The following ENAH variants were observed in gnomAD, a reference collection of about 807,000 sequenced individuals.
ENAH encodes the protein ENAH actin regulator.
Under a neutral mutation model 78.7 loss-of-function variants are expected in ENAH, and 23 were observed. The observed-to-expected ratio is 0.29, with a 90% CI of 0.21 to 0.41. The LOEUF is 0.41. Ranked by LOEUF, ENAH falls within the 10% of genes least tolerant of loss-of-function variation. The pLI, the probability that ENAH is intolerant of heterozygous loss-of-function variation, is 1.00. For synonymous variants in ENAH, 226 were observed against 241.0 expected, an observed-to-expected ratio of 0.94 and a Z score of 0.58; for missense variants, 544 against 691.0, an observed-to-expected ratio of 0.79 and a Z score of 2.39.
At chr1:225,498,982 G>A (rs533641865) in intron 12 of ENAH, among the ~76,000 whole-genome samples, 6 of 152,134 alleles carry the variant, frequency 3.9e-5, no homozygotes, top group African/African-American at 7.2e-5. Flanking sequence ...CGGCAGGCAC[G>A]AATCATATGC....
At chr1:225,600,467 T>C (rs1013677339) in intron 1 of ENAH, among the ~76,000 whole-genome samples, 3 of 152,212 alleles carry the variant, frequency 2.0e-5, no homozygotes, top group Non-Finnish European at 4.4e-5. Context: ...GCAGAAGTAA[T>C]TGTGGTTTTG....
At chr1:225,548,592 C>T (rs979213880) in intron 3 of ENAH, among the ~76,000 whole-genome samples, 2 of 152,180 alleles carry the variant, frequency 1.3e-5, no homozygotes, top group African/African-American at 4.8e-5. Flanking sequence ...CCTGAAGGCT[C>T]GAAAACCCAA....
chr1:225,589,450 T>A (rs1455380235), intron 1 of ENAH, among the ~76,000 whole-genome samples: 2 of 152,164 alleles, frequency 1.3e-5, no homozygotes, highest in Non-Finnish European at 2.9e-5. Context: ...GCCCTCAGTA[T>A]CCTCGGAGGA....
chr1:225,649,156 T>A (rs149911083), intron 1 of ENAH, among the ~76,000 whole-genome samples: 1 of 152,304 alleles, frequency 6.6e-6, no homozygotes, highest in East Asian at 1.9e-4. Flanking sequence ...TATTTTTACA[T>A]ATTTTTTAAA....
chr1:225,608,454 A>C (rs2096969033), intron 1 of ENAH, among the ~76,000 whole-genome samples: 1 of 151,882 alleles, frequency 6.6e-6, no homozygotes, highest in Non-Finnish European at 1.5e-5. Flanking sequence ...ATCATTATAA[A>C]ATTTCAGAAC....
chr1:225,583,398 C>T (rs2096829011), intron 1 of ENAH, among the ~76,000 whole-genome samples: 1 of 139,028 alleles, frequency 7.2e-6, no homozygotes, highest in Non-Finnish European at 1.5e-5. Context: ...CGCGCCATTG[C>T]ACTCCAGACT....
At chr1:225,567,074 G>A (rs140567397) in intron 2 of ENAH, among the ~76,000 whole-genome samples, 175 bp downstream of exon 2, 54 of 152,254 alleles carry the variant, frequency 3.5e-4, no homozygotes, top group Non-Finnish European at 5.4e-4. Context: ...CTAAATCTTC[G>A]TTTAAGTTCA....
At chr1:225,638,261 A>T (rs1198837878) in intron 1 of ENAH, among the ~76,000 whole-genome samples, 1 of 152,080 alleles carries the variant, frequency 6.6e-6, no homozygotes, top group Non-Finnish European at 1.5e-5. Flanking sequence ...GGCTCAAGTG[A>T]TCCTCCTACC....
chr1:225,555,357 C>T (rs899715814), intron 2 of ENAH, among the ~76,000 whole-genome samples: 3 of 152,102 alleles, frequency 2.0e-5, no homozygotes, highest in African/African-American at 7.2e-5. Flanking sequence ...TCGAGGCAGG[C>T]AGATCATGAG....
rs572776506 is a variant in ENAH at position 225,517,547 on chromosome 1, C to G, written c.803-241G>C. 3 of 1,551,376 alleles carry G rather than the reference C, an allele frequency of 1.9e-6. No individual in the cohort carries two copies. The African/African-American group carries it at 4.1e-5, about 21-fold the overall frequency. ...GGCATTTGGGGCACAGGAGAAGAAA[C>G]ACAAACAGGGAGGACAGGCCTTGGA... On this transcript the variant is annotated intron_variant, in intron 5 of 13. Coordinates refer to ENST00000366843, the MANE Select transcript of ENAH (RefSeq NM_018212.6).
At chr1:225,547,565 C>T (rs2096621050) in intron 3 of ENAH, among the ~76,000 whole-genome samples, 1 of 152,164 alleles carries the variant, frequency 6.6e-6, no homozygotes, top group Non-Finnish European at 1.5e-5. Context: ...TCCAGTAGCT[C>T]CCTTTTCAAA....
intron 12 of ENAH, among the ~76,000 whole-genome samples, chr1:225,498,856 T>C (rs1346110869): frequency 1.3e-5 from 2 of 152,172 alleles, no homozygotes; most frequent in South Asian, 2.1e-4. Context: ...GGAATCACCA[T>C]AGCTGCCAAA....
chr1:225,611,131 T>G (rs1384006966), intron 1 of ENAH, among the ~76,000 whole-genome samples: 1 of 152,106 alleles, frequency 6.6e-6, no homozygotes. Flanking sequence ...GTGTACTGAG[T>G]TGGTGCTATG....
chr1:225,644,593 C>T (rs1387716175), intron 1 of ENAH, among the ~76,000 whole-genome samples: 1 of 152,136 alleles, frequency 6.6e-6, no homozygotes, highest in Non-Finnish European at 1.5e-5. Context: ...GAGATTTGAC[C>T]TCAAGAGCTA....
intron 4 of ENAH, among the ~76,000 whole-genome samples, chr1:225,521,209 A>G (rs554805114): frequency 1.3e-5 from 2 of 152,338 alleles, no homozygotes; most frequent in East Asian, 3.9e-4. Flanking sequence ...GCAATACTGC[A>G]ATAACATTTG....
At chr1:225,631,136 G>C (rs1234989616) in intron 1 of ENAH, among the ~76,000 whole-genome samples, 4 of 152,164 alleles carry the variant, frequency 2.6e-5, no homozygotes, top group Non-Finnish European at 5.9e-5. Flanking sequence ...AAGGGACAGA[G>C]AATACCAATT....
chr1:225,568,780 T>C (rs1443683926), intron 1 of ENAH, among the ~76,000 whole-genome samples: 1 of 152,248 alleles, frequency 6.6e-6, no homozygotes, highest in Non-Finnish European at 1.5e-5. Flanking sequence ...TTTATTCTTG[T>C]CCTTGATGAC....
At chr1:225,557,131 A>G (rs530608448) in intron 2 of ENAH, among the ~76,000 whole-genome samples, 2 of 152,248 alleles carry the variant, frequency 1.3e-5, no homozygotes, top group East Asian at 3.9e-4. Context: ...GTGTGCAGCT[A>G]GTTTTACATT....
rs1343306453 is a variant in ENAH, at chr1:225,513,000, A to C, written c.1235T>G (p.Phe412Cys). 1.2e-6 allele frequency: 2 copies of C among 1,612,996 alleles called. No homozygotes were observed. The highest frequency in any genetic ancestry group is 1.7e-6 in the Non-Finnish European group (2 of 1,179,558). ...ACCAATAGCATTCCCTCCACTTGGGAAAGAGGTATCCTCCATCTTAATGAG... is the reference window on the plus strand; with the variant it reads ...ACCAATAGCATTCCCTCCACTTGGGCAAGAGGTATCCTCCATCTTAATGAG... ...RKVSRMEDTS[F>C]PSGGNAIGVN... Residue 412 changes from phenylalanine (F) to cysteine (C), a missense_variant, in exon 8 of 14, where the codon TTC (phenylalanine) becomes TGC (cysteine). By Grantham distance (205) the Phe-to-Cys change is radical. Around this residue, in one of 4 missense-constraint regions of ENAH, gnomAD observed 366 missense variants for 396.1 expected, o/e 0.92. Coordinates refer to ENST00000366843, the MANE Select transcript of ENAH (RefSeq NM_018212.6).
Sources: allele counts gnomAD v4.1 joint callset (sites outside exome capture counted in the v4.1 genomes callset), GRCh38; gene constraint gnomAD v4.1.1; regional missense constraint gnomAD v4.1.1; transcripts MANE v1.5; gene names NCBI Gene and HGNC (gene_info 2026-07-23, HGNC 2026-07-21).